The following SMC6 variants were observed in gnomAD, a reference collection of about 807,000 sequenced individuals.
SMC6 encodes the protein structural maintenance of chromosomes 6, also known as structural maintenance of chromosomes protein 6.
A neutral mutation model predicts 142.2 loss-of-function variants in SMC6; 79 were observed. The ratio of observed to expected loss-of-function variants is 0.56; its 90% confidence interval spans 0.46 to 0.67. The LOEUF (loss-of-function observed/expected upper bound fraction) is 0.67. Ranked by LOEUF, SMC6 falls within the 30% of genes least tolerant of loss-of-function variation. The pLI is 0.00. For synonymous variants in SMC6, 411 were observed against 412.4 expected, an observed-to-expected ratio of 1.00 and a Z score of 0.04; for missense variants, 1,072 against 1,284.0, an observed-to-expected ratio of 0.83 and a Z score of 2.52.
At chr2:17,689,000 G>A (rs571514428) in intron 23 of SMC6, among the ~76,000 whole-genome samples, 6 of 152,192 alleles carry the variant, frequency 3.9e-5, no homozygotes, top group Non-Finnish European at 8.8e-5. Context: ...AAAATATGAT[G>A]AAAAGCAGGA....
At chr2:17,685,305 A>C (rs1667403067) in intron 23 of SMC6, among the ~76,000 whole-genome samples, 1 of 152,188 alleles carries the variant, frequency 6.6e-6, no homozygotes, top group Admixed American at 6.5e-5. Context: ...AGCAATGTTT[A>C]GCAATGAAAA....
Position 17,745,805 on chromosome 2 carries a change from A to C in SMC6, c.120+22T>G, listed in dbSNP as rs751537671. 4 of 1,579,660 alleles carry C rather than the reference A, an allele frequency of 2.5e-6. No homozygotes were observed. In the African/African-American group the frequency reaches 4.1e-5, roughly 16 times the overall value. On this transcript the variant is annotated intron_variant, in intron 3 of 27. Coordinates refer to ENST00000448223, the MANE Select transcript of SMC6 (RefSeq NM_001142286.2). ...ACAAGAAAAACATATCAAAAAGCAT[A>C]ATTTTGTAATTTTTCGCTTACCAAA...
At position 17,700,189 on chromosome 2, in the gene SMC6, C is replaced by T. The variant is rs749988781; in HGVS notation, c.2394+19G>A. The T allele has an allele frequency of 1.3e-6, 2 of 1,540,366 alleles. No homozygotes were observed. Among genetic ancestry groups the T allele is most frequent in the East Asian group, 2.3e-5 (1 of 43,942 alleles). On this transcript the variant is annotated intron_variant, in intron 21 of 27. Coordinates refer to ENST00000448223, the MANE Select transcript of SMC6 (RefSeq NM_001142286.2). ...TAAAACATAAAATACATACGTAACA[C>T]AGTACCAAAAATATATACCTTAAGT...
intron 26 of SMC6, among the ~76,000 whole-genome samples, chr2:17,668,828 C>G (rs765884334): frequency 8.5e-5 from 13 of 152,126 alleles, no homozygotes; most frequent in Non-Finnish European, 1.6e-4. Flanking sequence ...GGTACGATAT[C>G]ATGAAGGGTC....
chr2:17,666,625 G>T, intron 26 of SMC6, 108 bp from the exon 27 acceptor site: 1 of 742,528 alleles, frequency 1.3e-6, no homozygotes, highest in Non-Finnish European at 2.4e-6. Flanking sequence ...CCAGGGATCA[G>T]TCATTACATT....
At chr2:17,675,530 A>C (rs2103488051) in intron 25 of SMC6, among the ~76,000 whole-genome samples, 1 of 152,218 alleles carries the variant, frequency 6.6e-6, no homozygotes, top group African/African-American at 2.4e-5. Flanking sequence ...TTGTAGGCCA[A>C]GCATACTGAA....
At chr2:17,678,199 T>C (rs974277111) in intron 25 of SMC6, among the ~76,000 whole-genome samples, 3 of 152,152 alleles carry the variant, frequency 2.0e-5, no homozygotes, top group African/African-American at 7.2e-5. Flanking sequence ...TTTAGGAGAC[T>C]GGAGACTATG....
At chr2:17,733,771 T>G (rs1421516914) in intron 5 of SMC6, among the ~76,000 whole-genome samples, 1 of 152,158 alleles carries the variant, frequency 6.6e-6, no homozygotes, top group Non-Finnish European at 1.5e-5. Flanking sequence ...TGGAAACCAC[T>G]TAGGCAGGCT....
chr2:17,677,661 GAAC>G (rs1333057801), intron 25 of SMC6, among the ~76,000 whole-genome samples: 1 of 152,062 alleles, frequency 6.6e-6, no homozygotes, highest in African/African-American at 2.4e-5. Flanking sequence ...TCTGCAGTGA[GAAC>G]AATAGACTAC....
chr2:17,710,740 G>A (rs1668787729), intron 16 of SMC6, among the ~76,000 whole-genome samples: 2 of 152,194 alleles, frequency 1.3e-5, no homozygotes, highest in African/African-American at 2.4e-5. Context: ...GTTAAGCGAA[G>A]TGAGGCTTGC....
intron 11 of SMC6, among the ~76,000 whole-genome samples, chr2:17,720,334 T>C (rs1241418856): frequency 6.6e-6 from 1 of 152,196 alleles, no homozygotes; most frequent in African/African-American, 2.4e-5. Context: ...TGTGGAAGAC[T>C]TTTATGACTT....
intron 2 of SMC6, among the ~76,000 whole-genome samples, chr2:17,749,236 C>T (rs1472129185): frequency 1.3e-5 from 2 of 151,964 alleles, no homozygotes; most frequent in Non-Finnish European, 2.9e-5. Context: ...AAAAAGCCTC[C>T]TCTGGGATTT....
At chr2:17,677,217 A>G (rs934964525) in intron 25 of SMC6, among the ~76,000 whole-genome samples, 2 of 152,142 alleles carry the variant, frequency 1.3e-5, no homozygotes, top group African/African-American at 4.8e-5. Flanking sequence ...ATATTTCACT[A>G]AAGAGGGGCC....
At chr2:17,681,858 G>A (rs1667252867) in intron 24 of SMC6, 1 of 152,094 alleles carries the variant, frequency 6.6e-6, no homozygotes. Context: ...TGGATAAATG[G>A]TGCTGACAGA....
intron 23 of SMC6, among the ~76,000 whole-genome samples, chr2:17,687,386 T>A (rs1310645659): frequency 6.6e-6 from 1 of 152,194 alleles, no homozygotes; most frequent in Non-Finnish European, 1.5e-5. Context: ...TACAGATCAA[T>A]GTGTGTGTGC....
In SMC6 at chr2:17,716,788, CTG is replaced by C; in HGVS notation, c.1297_1298del (p.Gln433ValfsTer16). 6.2e-7 allele frequency: 1 copy of C among 1,613,540 alleles called. No individual in the cohort carries two copies. Among genetic ancestry groups the C allele is most frequent in the Non-Finnish European group, 8.5e-7 (1 of 1,179,774 alleles). ...TGTCCTTTTCTATGGCTTGCTGAAA[CTG>C]TTCGATCTCTTGATTGACTGAATTT... is the stretch of plus-strand genomic sequence containing the variant. ...QENSVNQEIE[Q>X]FQQAIEKDKE... On this transcript the variant is annotated frameshift_variant, in exon 14 of 28. Coordinates refer to ENST00000448223, the MANE Select transcript of SMC6 (RefSeq NM_001142286.2). LOFTEE classifies it high-confidence loss of function.
chr2:17,715,129 C>A (rs1390887470), intron 15 of SMC6, 64 bp from the exon 16 acceptor site: 1 of 1,436,446 alleles, frequency 7.0e-7, no homozygotes, highest in Non-Finnish European at 9.6e-7. Context: ...TAACATCCTC[C>A]TCTTTAATTA....
chr2:17,726,986 G>A (rs2125033056), intron 7 of SMC6, among the ~76,000 whole-genome samples: 1 of 152,282 alleles, frequency 6.6e-6, no homozygotes, highest in East Asian at 1.9e-4. Context: ...AACAAGTATT[G>A]TCTATTTTTC....
At chr2:17,704,506 C>A (rs533821183) in intron 18 of SMC6, among the ~76,000 whole-genome samples, 11 of 152,162 alleles carry the variant, frequency 7.2e-5, no homozygotes, top group Non-Finnish European at 1.6e-4. Flanking sequence ...TATCTGTCTT[C>A]CAAAGCTTTG....
Sources: gnomAD v4.1 joint callset for allele counts (sites outside exome capture counted in the v4.1 genomes callset) on GRCh38, gnomAD v4.1.1 for gene constraint, MANE v1.5 for transcripts, NCBI Gene and HGNC (gene_info 2026-07-23, HGNC 2026-07-21) for gene names.